Variants in KCNH8 observed in about 807,000 individuals in gnomAD.
KCNH8 encodes potassium voltage-gated channel subfamily H member 8.
KCNH8 carries 70 observed loss-of-function variants against 103.6 expected under a neutral mutation model. The ratio of observed to expected loss-of-function variants is 0.68; its 90% CI spans 0.56 to 0.82. KCNH8 has a LOEUF of 0.82. Ranked by LOEUF, KCNH8 falls within the 40% of genes least tolerant of loss-of-function variation. The pLI, the probability that KCNH8 is intolerant of heterozygous loss-of-function variation, is 0.00. For missense variants in KCNH8, 1,217 were observed against 1,329.9 expected, an observed-to-expected ratio of 0.92 and a Z score of 1.32; for synonymous variants, 498 against 489.4, an observed-to-expected ratio of 1.02 and a Z score of -0.23.
intron 15 of KCNH8, among the ~76,000 whole-genome samples, chr3:19,520,785 T>C (rs2068958516): frequency 6.6e-6 from 1 of 151,920 alleles, no homozygotes; most frequent in Admixed American, 6.6e-5. Context: ...ACTGTGGGCC[T>C]TTGTGTGAGG....
chr3:19,449,291 CATATAT>C lies in KCNH8; in HGVS notation c.1376-793_1376-788del, dbSNP rs71055066. On this transcript the variant is annotated intron_variant, in intron 8 of 15. Coordinates refer to ENST00000328405, the MANE Select transcript of KCNH8 (RefSeq NM_144633.3). ...ACAAACCTCATTGAAACAAGAGTCC[CATATAT>C]ATATATATATATATATATATACCCT... Among the ~76,000 whole-genome samples the C allele has an allele frequency of 8.1e-3, 1,139 of 140,130 alleles. 13 individuals are homozygous for C. Among genetic ancestry groups the C allele is most frequent in the African/African-American group, 0.027 (1,016 of 38,230 alleles). The allele number at this position is 140,130 out of a possible 152,430, so 91.9% of individuals were successfully genotyped here.
chr3:19,305,318 C>A (rs2065116244), intron 3 of KCNH8, among the ~76,000 whole-genome samples: 1 of 152,116 alleles, frequency 6.6e-6, no homozygotes, highest in East Asian at 1.9e-4. Flanking sequence ...AAATGTATTT[C>A]CCTTTCATGT....
intron 8 of KCNH8, among the ~76,000 whole-genome samples, chr3:19,443,325 C>A (rs2067309425): frequency 6.6e-6 from 1 of 150,716 alleles, no homozygotes; most frequent in East Asian, 1.9e-4. Context: ...CCTAGGAGTC[C>A]TCTGGGAACC....
At position 19,506,738 on chromosome 3, in the gene KCNH8, G is replaced by A. The variant is rs553201973; in HGVS notation, c.2041-3625G>A. On this transcript the variant is annotated intron_variant, in intron 11 of 15. Transcript: ENST00000328405. ...GACTGTGACAGAGGGCCTTTCTCTC[G>A]TCTCTGGGGGCTCCACTCCAGAGAA... Among the ~76,000 whole-genome samples, 21 of 152,158 alleles carry A rather than the reference G, an allele frequency of 1.4e-4. No homozygotes were observed. The South Asian group carries it at 1.9e-3, about 14-fold the overall frequency.
intron 5 of KCNH8, among the ~76,000 whole-genome samples, chr3:19,355,388 T>C (rs1160468082): frequency 6.6e-6 from 1 of 152,190 alleles, no homozygotes; most frequent in Non-Finnish European, 1.5e-5. Context: ...ACTGGGTATA[T>C]AACCAAAGGA....
At chr3:19,280,903 A>G (rs540233746) in intron 2 of KCNH8, among the ~76,000 whole-genome samples, 66 of 152,252 alleles carry the variant, frequency 4.3e-4, no homozygotes, top group African/African-American at 1.5e-3. Flanking sequence ...TTCAGCATCA[A>G]CGAGTTCAAA....
chr3:19,257,116 T>A (rs2064356312), intron 2 of KCNH8, among the ~76,000 whole-genome samples: 1 of 152,028 alleles, frequency 6.6e-6, no homozygotes, highest in African/African-American at 2.4e-5. Context: ...TTTCTGGTTT[T>A]AAAAAATATG....
chr3:19,164,262 A>G (rs1183162960), intron 1 of KCNH8, among the ~76,000 whole-genome samples: 2 of 152,302 alleles, frequency 1.3e-5, no homozygotes, highest in East Asian at 3.9e-4. Flanking sequence ...TTTGTCTCAA[A>G]GCTAGAACAG....
At chr3:19,500,023 G>C (rs1323282629) in intron 11 of KCNH8, among the ~76,000 whole-genome samples, 1 of 152,156 alleles carries the variant, frequency 6.6e-6, no homozygotes, top group African/African-American at 2.4e-5. Context: ...AGACCCATCA[G>C]TGTGCTGTAT....
intron 13 of KCNH8, 107 bp downstream of exon 13, chr3:19,513,432 C>G (rs748637350): frequency 2.5e-5 from 35 of 1,410,892 alleles, no homozygotes; most frequent in Non-Finnish European, 3.1e-5. Flanking sequence ...AGATTCCTAG[C>G]CTGGAATCCT....
intron 3 of KCNH8, among the ~76,000 whole-genome samples, chr3:19,292,166 T>G (rs2064937636): frequency 6.6e-6 from 1 of 152,220 alleles, no homozygotes; most frequent in Non-Finnish European, 1.5e-5. Flanking sequence ...TATTTCTTGT[T>G]GAGTGTCCCA....
At chr3:19,455,833 G>A (rs950520414) in intron 10 of KCNH8, among the ~76,000 whole-genome samples, 5 of 151,996 alleles carry the variant, frequency 3.3e-5, no homozygotes, top group African/African-American at 7.2e-5. Context: ...ATGATGACCC[G>A]AAAGTTATTG....
chr3:19,234,634 C>T (rs1220923908), intron 1 of KCNH8, among the ~76,000 whole-genome samples: 1 of 152,048 alleles, frequency 6.6e-6, no homozygotes, highest in Non-Finnish European at 1.5e-5. Context: ...AGCTCCACAC[C>T]TTCCCGCAAG....
intron 5 of KCNH8, among the ~76,000 whole-genome samples, chr3:19,377,293 G>T (rs115588843): frequency 0.011 from 1,717 of 152,274 alleles, 27 homozygotes; most frequent in African/African-American, 0.038. Context: ...TCCATCTAGT[G>T]ATTAACACAC....
At chr3:19,343,768 C>T (rs1575542364) in intron 4 of KCNH8, among the ~76,000 whole-genome samples, 1 of 152,048 alleles carries the variant, frequency 6.6e-6, no homozygotes, top group Admixed American at 6.6e-5. Context: ...GACCATTCAT[C>T]AGACATACGA....
At chr3:19,210,038 T>A in intron 1 of KCNH8, among the ~76,000 whole-genome samples, 1 of 152,116 alleles carries the variant, frequency 6.6e-6, no homozygotes, top group East Asian at 1.9e-4. Context: ...ACAATTTATA[T>A]ACTCTTTTCT....
chr3:19,496,968 G>A (rs2068455851), intron 11 of KCNH8, among the ~76,000 whole-genome samples: 1 of 152,072 alleles, frequency 6.6e-6, no homozygotes, highest in Admixed American at 6.6e-5. Flanking sequence ...AGATTTTCTA[G>A]TTTGTGTGCA....
intron 1 of KCNH8, among the ~76,000 whole-genome samples, chr3:19,241,902 T>G (rs989137417): frequency 2.0e-5 from 3 of 152,112 alleles, no homozygotes; most frequent in Admixed American, 1.3e-4. Context: ...AATTAAAAAA[T>G]AGGCCATGAT....
intron 2 of KCNH8, among the ~76,000 whole-genome samples, chr3:19,273,305 A>G (rs1386988384): frequency 6.6e-6 from 1 of 152,214 alleles, no homozygotes; most frequent in Non-Finnish European, 1.5e-5. Flanking sequence ...TTCTTAAAGA[A>G]AAGTATCAAG....
Sources: allele counts gnomAD v4.1 joint callset (sites outside exome capture counted in the v4.1 genomes callset), GRCh38; gene constraint gnomAD v4.1.1; transcripts MANE v1.5; gene names NCBI Gene and HGNC (gene_info 2026-07-23, HGNC 2026-07-21).